AGAP6: variants seen among roughly 807,000 people sequenced by gnomAD.
AGAP6 encodes arf-GAP with GTPase, ANK repeat and PH domain-containing protein 6.
In AGAP6, 29 loss-of-function variants were observed where a neutral mutation model predicts 63.9. The ratio of observed to expected loss-of-function variants is 0.45; its 90% CI spans 0.34 to 0.62. The LOEUF (loss-of-function observed/expected upper bound fraction) is 0.62. Ranked by LOEUF, AGAP6 falls within the 20% of genes least tolerant of loss-of-function variation. The pLI, the probability that AGAP6 is intolerant of heterozygous loss-of-function variation, is 0.01. For synonymous variants in AGAP6, 199 were observed against 332.9 expected (o/e 0.60, Z 4.38); for missense variants, 493 against 884.9 (o/e 0.56, Z 5.62).
intron 4 of AGAP6, among the ~76,000 whole-genome samples, chr10:50,001,331 A>AAAATAAATAAAT: frequency 6.7e-6 from 1 of 149,318 alleles, no homozygotes; most frequent in Non-Finnish European, 1.5e-5. Flanking sequence ...CTCCGTCTCA[A>AAAATAAATAAAT]AAATAAATAA....
intron 4 of AGAP6, among the ~76,000 whole-genome samples, chr10:49,999,515 A>G (rs1329892186): frequency 7.3e-6 from 1 of 137,332 alleles, no homozygotes; most frequent in African/African-American, 2.8e-5. Context: ...TAATACTGAA[A>G]GGGGGAAAAG....
chr10:50,008,091 T>C lies in AGAP6; in HGVS notation c.585+15T>C, dbSNP rs782397840. The C allele has an allele frequency of 9.3e-6, 15 of 1,611,818 alleles. No homozygotes were observed. Among genetic ancestry groups the C allele is most frequent in the African/African-American group, 1.3e-5 (1 of 74,852 alleles). On this transcript the variant is annotated intron_variant, in intron 7 of 7. Coordinates refer to ENST00000412531, the MANE Select transcript of AGAP6 (RefSeq NM_001077665.3). ...ACTCATTTGCGGTAAGTGGCACTTT[T>C]ATTGAGGTTGTATTTTCATCATACA... is the stretch of plus-strand genomic sequence containing the variant.
At chr10:49,993,873 C>T (rs1162579910) in intron 3 of AGAP6, among the ~76,000 whole-genome samples, 1 of 151,428 alleles carries the variant, frequency 6.6e-6, no homozygotes, top group Non-Finnish European at 1.5e-5. Context: ...GTGTAAAGAC[C>T]GTTTTTTAAT....
In AGAP6 at chr10:50,001,998, A is replaced by G. The variant is rs782187595; in HGVS notation, c.399A>G (p.Val133=). 6.2e-7 allele frequency: 1 copy of G among 1,613,036 alleles called. No homozygotes were observed. The highest frequency in any genetic ancestry group is 1.1e-5 in the South Asian group (1 of 91,064). The change falls in exon 5 of 8, where the codon GTA becomes GTG. Residue 133 remains valine (V), a splice_region_variant and synonymous_variant. Transcript: ENST00000412531. ...CTTACAGTTCCCTTCCCCTTCAGGT[A>G]TCTGCTGTGCGTTTCAGTCAACAAT... ...EIRRSNCTNH[V]SAVRFSQQYS...
intron 6 of AGAP6, among the ~76,000 whole-genome samples, chr10:50,006,750 G>A (rs1440179438): frequency 3.3e-5 from 5 of 150,506 alleles, no homozygotes; most frequent in Admixed American, 2.0e-4. Context: ...GTTAAATCAC[G>A]GATTCTTTAA....
chr10:50,004,866 C>T (rs1841853328), intron 6 of AGAP6, 146 bp downstream of exon 6: 1 of 1,213,416 alleles, frequency 8.2e-7, no homozygotes, highest in African/African-American at 1.5e-5. Flanking sequence ...TTCTTTGTTC[C>T]TTAAGACTCT....
rs782185423 is a variant in AGAP6, at chr10:49,988,815, G to A, written c.100G>A (p.Ala34Thr). ...VCPSESETYE[A>T]GARDRMAGAP... ...TCCCTCTGAATCTGAGACCTATGAG[G>A]CAGGAGCTAGGGACAGGATGGCAGG... The change falls in exon 1 of 8, where the codon GCA becomes ACA. Residue 34 changes from alanine (A) to threonine (T), a missense_variant. Around this residue, in one of 7 missense-constraint regions of AGAP6, gnomAD observed 342 missense variants for 533.4 expected, o/e 0.64. Transcript: ENST00000412531. 1.9e-6 allele frequency: 3 copies of A among 1,558,548 alleles called. No homozygotes were observed. In the African/African-American group the frequency reaches 4.1e-5, roughly 21 times the overall value.
At chr10:50,002,201 A>G in intron 5 of AGAP6, 105 bp downstream of exon 5, 1 of 1,011,500 alleles carries the variant, frequency 9.9e-7, no homozygotes, top group Admixed American at 2.6e-5. Flanking sequence ...GGAGTCAACC[A>G]TATATTGATA....
chr10:49,995,701 T>C (rs1196017443), intron 4 of AGAP6, among the ~76,000 whole-genome samples: 5 of 152,198 alleles, frequency 3.3e-5, no homozygotes, highest in African/African-American at 7.2e-5. Flanking sequence ...TCCTAGATTC[T>C]GTGTTTCCTT....
At chr10:50,008,513 A>G (rs1841996995) in intron 7 of AGAP6, 198 bp from the exon 8 acceptor site, 1 of 491,678 alleles carries the variant, frequency 2.0e-6, no homozygotes, top group South Asian at 8.9e-5. Context: ...GGGTTTCACC[A>G]TGTTGGCCAG....
rs781829803 is a variant in AGAP6 at position 50,009,175 on chromosome 10, G to A, written c.1050G>A (p.Ser350=). Residue 350 remains serine (S), a synonymous_variant, in exon 8 of 8, where the codon TCG becomes TCA. Coordinates refer to ENST00000412531, the MANE Select transcript of AGAP6 (RefSeq NM_001077665.3). The stretch of plus-strand genomic sequence containing the variant: ...GAAAGTGGCCATCCCTAGCCACATC[G>A]GCCTGCACACCCATCTCCAGCTCTA... ...VPGKWPSLAT[S]ACTPISSSKS... 4.3e-6 allele frequency: 7 copies of A among 1,614,140 alleles called. No individual in the cohort carries two copies. The highest frequency in any genetic ancestry group is 4.0e-5 in the African/African-American group (3 of 75,034).
At chr10:50,002,837 T>G (rs2132148856) in intron 5 of AGAP6, among the ~76,000 whole-genome samples, 1 of 81,838 alleles carries the variant, frequency 1.2e-5, no homozygotes, top group East Asian at 4.2e-4. Context: ...CAATTAAAAG[T>G]GGAAAGTTTA....
At chr10:49,991,856 C>T in intron 3 of AGAP6, 112 bp downstream of exon 3, 2 of 1,502,042 alleles carry the variant, frequency 1.3e-6, no homozygotes, top group Non-Finnish European at 1.8e-6. Flanking sequence ...CACCTTTTCA[C>T]ATGTTCACTT....
At chr10:50,001,971 G>C in intron 4 of AGAP6, 25 bp from the exon 5 acceptor site, 1 of 1,610,562 alleles carries the variant, frequency 6.2e-7, no homozygotes, top group Non-Finnish European at 8.5e-7. Flanking sequence ...TGATAAGTTT[G>C]ACTTACAGTT....
At chr10:49,993,291 G>C (rs1408658659) in intron 3 of AGAP6, among the ~76,000 whole-genome samples, 3 of 152,068 alleles carry the variant, frequency 2.0e-5, no homozygotes, top group Non-Finnish European at 4.4e-5. Flanking sequence ...CTCACACCTA[G>C]AGAGCATGGA....
At chr10:50,006,550 T>C (rs1728717225) in intron 6 of AGAP6, among the ~76,000 whole-genome samples, 1 of 152,216 alleles carries the variant, frequency 6.6e-6, no homozygotes, top group Non-Finnish European at 1.5e-5. Flanking sequence ...AATTTTCTTA[T>C]ATGTTTGACA....
intron 4 of AGAP6, among the ~76,000 whole-genome samples, chr10:49,997,397 G>A (rs1280088791): frequency 6.6e-6 from 1 of 152,172 alleles, no homozygotes; most frequent in Admixed American, 6.5e-5. Context: ...TACTCAGGAG[G>A]CTGAGGCAGA....
rs1202355046 is a variant in AGAP6, at chr10:49,988,556, G to A, written c.-160G>A. On this transcript the variant is annotated 5_prime_UTR_variant, in exon 1 of 8. Coordinates refer to ENST00000412531, the MANE Select transcript of AGAP6 (RefSeq NM_001077665.3). The stretch of plus-strand genomic sequence containing the variant: ...TGGCCCGCAGCCCTAGCCGGGGCCG[G>A]GGCCAGGGCTGGTGCCCGGGGCCTC... 8.5e-6 allele frequency: 13 copies of A among 1,537,248 alleles called. No homozygotes were observed. The highest frequency in any genetic ancestry group is 7.0e-6 in the Non-Finnish European group (8 of 1,147,862).
intron 4 of AGAP6, among the ~76,000 whole-genome samples, chr10:50,001,323 C>T (rs1448132982): frequency 2.0e-5 from 3 of 149,860 alleles, no homozygotes; most frequent in African/African-American, 7.5e-5. Flanking sequence ...GAGCGAGACT[C>T]CGTCTCAAAA....
Sources: gnomAD v4.1 joint callset for allele counts (sites outside exome capture counted in the v4.1 genomes callset) on GRCh38, gnomAD v4.1.1 for gene constraint, gnomAD v4.1.1 regional missense constraint, MANE v1.5 for transcripts, NCBI Gene and HGNC (gene_info 2026-07-23, HGNC 2026-07-21) for gene names.